PTPN4: variants seen among roughly 807,000 people sequenced by gnomAD.
PTPN4 encodes the protein tyrosine-protein phosphatase non-receptor type 4.
PTPN4 carries 49 observed loss-of-function variants against 135.5 expected under a neutral mutation model. That is an observed-to-expected ratio of 0.36 (90% confidence interval 0.29 to 0.46). The LOEUF (loss-of-function observed/expected upper bound fraction) is 0.46. Ranked by LOEUF, PTPN4 falls within the 20% of genes least tolerant of loss-of-function variation. The probability of loss-of-function intolerance (pLI) is 1.00; values close to 1 mark genes in which losing one functional copy is unlikely to be tolerated. For missense variants in PTPN4, 860 were observed against 1,101.0 expected (o/e 0.78, Z 3.10); for synonymous variants, 333 against 369.9 (o/e 0.90, Z 1.14).
intron 10 of PTPN4, among the ~76,000 whole-genome samples, chr2:119,912,897 A>G (rs758080357): frequency 6.6e-6 from 1 of 152,118 alleles, no homozygotes; most frequent in Non-Finnish European, 1.5e-5. Flanking sequence ...TTTATTTGCC[A>G]GAAGTCTTAG....
In PTPN4 at chr2:119,793,846, G is replaced by GTTTTTTTTT. The variant is rs55956611; in HGVS notation, c.-17-15970_-17-15962dup. Among the ~76,000 whole-genome samples, 26 of 24,800 alleles carry GTTTTTTTTT rather than the reference G, an allele frequency of 1.0e-3. 3 individuals carry two copies. Among genetic ancestry groups the GTTTTTTTTT allele is most frequent in the African/African-American group, 3.5e-3 (19 of 5,410 alleles). 16.3% of individuals were successfully genotyped at this position (24,800 alleles called of 152,430 possible). ...AGTTTGTTTATTTGTTTCATTTTTAGTTTTTTTTTTTTTTTTTTTTTTTTT... is the reference window on the plus strand; with the variant it reads ...AGTTTGTTTATTTGTTTCATTTTTAGTTTTTTTTTTTTTTTTTTTTTTTTTTTTTTTTTT... On this transcript the variant is annotated intron_variant, in intron 1 of 26. Transcript: ENST00000263708.
intron 15 of PTPN4, among the ~76,000 whole-genome samples, chr2:119,939,571 G>A (rs571220079): frequency 1.3e-5 from 2 of 152,220 alleles, no homozygotes; most frequent in East Asian, 3.9e-4. Flanking sequence ...AAGTTGTTTG[G>A]GAGGATTACA....
intron 1 of PTPN4, among the ~76,000 whole-genome samples, chr2:119,786,441 G>A (rs934773526): frequency 3.9e-5 from 6 of 152,158 alleles, no homozygotes; most frequent in African/African-American, 1.4e-4. Flanking sequence ...ACTTGGCAAG[G>A]AAGACTTTTC....
chr2:119,839,072 C>T (rs1677341495), intron 2 of PTPN4, among the ~76,000 whole-genome samples: 1 of 152,148 alleles, frequency 6.6e-6, no homozygotes, highest in Admixed American at 6.6e-5. Context: ...CTTAAAACTC[C>T]CCTATTTCAG....
intron 19 of PTPN4, 43 bp from the exon 20 acceptor site, chr2:119,955,114 A>C: frequency 6.6e-7 from 1 of 1,519,482 alleles, no homozygotes; most frequent in Non-Finnish European, 8.9e-7. Flanking sequence ...TGAATTCATT[A>C]AGATTTCCAC....
intron 16 of PTPN4, among the ~76,000 whole-genome samples, chr2:119,946,131 C>T (rs904051297): frequency 1.6e-4 from 24 of 151,986 alleles, no homozygotes; most frequent in East Asian, 3.9e-4. Context: ...AGCATATGCT[C>T]GTAAGAATGC....
At chr2:119,827,229 T>G (rs1285175888) in intron 2 of PTPN4, among the ~76,000 whole-genome samples, 1 of 152,212 alleles carries the variant, frequency 6.6e-6, no homozygotes. Context: ...TAGGTATAAC[T>G]GCATCAACAA....
Position 119,976,835 on chromosome 2 carries a change from A to G in PTPN4, c.2695-149A>G, listed in dbSNP as rs183091393. On this transcript the variant is annotated intron_variant, in intron 26 of 26. Transcript: ENST00000263708. ...AAACTGTATTTTTTAACCAGTCTAG[A>G]CTGTTAGTGAAAAATGGTATCTTTA... is the stretch of plus-strand genomic sequence containing the variant. 263 of 1,388,416 alleles carry G rather than the reference A, an allele frequency of 1.9e-4. 1 individual carries two copies. The Middle Eastern group carries it at 4.3e-3, about 22-fold the overall frequency. 86.0% of individuals were successfully genotyped at this position (1,388,416 alleles called of 1,614,324 possible). A position where few individuals can be genotyped will look rare whatever the true frequency, so the allele number is the denominator to read the frequency against.
In PTPN4 at chr2:119,979,943, A is replaced by G. The variant is rs1331168961; in HGVS notation, c.*2873A>G. 6.6e-6 allele frequency: 1 copy of G among 152,082 alleles called. No homozygotes were observed. Among genetic ancestry groups the G allele is most frequent in the Non-Finnish European group, 1.5e-5 (1 of 67,972 alleles). The allele number at this position is 152,082 out of a possible 1,614,324, so 9.4% of individuals were successfully genotyped here. ...TTTCAGGTGTTTTATTGAGCATCTG[A>G]TTTGTGTCAGCACCATGTAAATATG... is the stretch of plus-strand genomic sequence containing the variant. On this transcript the variant is annotated 3_prime_UTR_variant, in exon 27 of 27. Transcript: ENST00000263708.
intron 9 of PTPN4, among the ~76,000 whole-genome samples, chr2:119,898,330 T>A (rs896181914): frequency 3.3e-5 from 5 of 152,152 alleles, no homozygotes; most frequent in African/African-American, 4.8e-5. Context: ...TATGAGAACA[T>A]TTTTAACACG....
intron 11 of PTPN4, among the ~76,000 whole-genome samples, chr2:119,919,240 G>T (rs1346172767): frequency 2.0e-5 from 3 of 152,130 alleles, no homozygotes; most frequent in African/African-American, 7.2e-5. Context: ...TATTTATTTA[G>T]AAATTTGTAC....
At chr2:119,965,926 A>G (rs2105061874) in intron 25 of PTPN4, among the ~76,000 whole-genome samples, 1 of 152,330 alleles carries the variant, frequency 6.6e-6, no homozygotes, top group Middle Eastern at 3.4e-3. Context: ...AATAGATTTG[A>G]TGAAGTACAG....
At chr2:119,802,003 C>T (rs1189844893) in intron 1 of PTPN4, among the ~76,000 whole-genome samples, 2 of 146,538 alleles carry the variant, frequency 1.4e-5, no homozygotes, top group East Asian at 2.1e-4. Context: ...TGGGTTCAAG[C>T]GATTCTCCTT....
chr2:119,814,235 C>G (rs1676954330), intron 2 of PTPN4, among the ~76,000 whole-genome samples: 1 of 152,160 alleles, frequency 6.6e-6, no homozygotes, highest in Admixed American at 6.5e-5. Context: ...CTTACCTATT[C>G]ACTATGTAGA....
chr2:119,799,992 GATAAA>G (rs1691333017), intron 1 of PTPN4, among the ~76,000 whole-genome samples: 1 of 152,078 alleles, frequency 6.6e-6, no homozygotes, highest in Non-Finnish European at 1.5e-5. Flanking sequence ...ACATATAGAA[GATAAA>G]ATAGAAAAAA....
chr2:119,761,938 C>G (rs1690514294), intron 1 of PTPN4, among the ~76,000 whole-genome samples: 1 of 152,160 alleles, frequency 6.6e-6, no homozygotes, highest in Admixed American at 6.5e-5. Flanking sequence ...CATTTTCTAA[C>G]ATCTTAGCTT....
At chr2:119,911,106 TGAGGCCAA>T (rs1678564811) in intron 10 of PTPN4, among the ~76,000 whole-genome samples, 1 of 152,106 alleles carries the variant, frequency 6.6e-6, no homozygotes, top group African/African-American at 2.4e-5. Flanking sequence ...AAAGTAGAAG[TGAGGCCAA>T]TTTTACATAA....
intron 2 of PTPN4, among the ~76,000 whole-genome samples, chr2:119,819,291 T>TA (rs1677032922): frequency 6.6e-6 from 1 of 152,222 alleles, no homozygotes; most frequent in Non-Finnish European, 1.5e-5. Context: ...AAATGTTACA[T>TA]ACATGTTTTA....
chr2:119,958,140 A>G (rs1413636320), intron 22 of PTPN4, among the ~76,000 whole-genome samples: 4 of 151,966 alleles, frequency 2.6e-5, no homozygotes, highest in African/African-American at 7.2e-5. Context: ...TCGGCAACAT[A>G]TTGAGACCCC....
Sources: allele counts gnomAD v4.1 joint callset (sites outside exome capture counted in the v4.1 genomes callset), GRCh38; gene constraint gnomAD v4.1.1; transcripts MANE v1.5; gene names NCBI Gene and HGNC (gene_info 2026-07-23, HGNC 2026-07-21).